IGF2R: variants seen among roughly 807,000 people sequenced by gnomAD.
IGF2R encodes insulin like growth factor 2 receptor, also known as cation-independent mannose-6-phosphate receptor.
A neutral mutation model predicts 270.6 loss-of-function variants in IGF2R; 91 were observed. The ratio of observed to expected loss-of-function variants is 0.34; its 90% confidence interval spans 0.28 to 0.40. The LOEUF (loss-of-function observed/expected upper bound fraction) is 0.40. Ranked by LOEUF, IGF2R falls within the 10% of genes least tolerant of loss-of-function variation. IGF2R has a pLI of 1.00. For missense variants in IGF2R, 2,805 were observed against 3,188.3 expected (o/e 0.88, Z 2.90); for synonymous variants, 1,316 against 1,258.9 (o/e 1.05, Z -0.96).
chr6:160,027,331 G>A lies in IGF2R; in HGVS notation c.776+17G>A, dbSNP rs774693597. 8 of 1,598,682 alleles carry A rather than the reference G, an allele frequency of 5.0e-6. No individual in the cohort carries two copies. The highest frequency in any genetic ancestry group is 4.5e-5 in the East Asian group (2 of 44,640). ...CAAGGACAGGTCAGTCAAGGCCTCCGATGCTGTTGGCGTTTTTAATCTCCA... is the reference window on the plus strand; with the variant it reads ...CAAGGACAGGTCAGTCAAGGCCTCCAATGCTGTTGGCGTTTTTAATCTCCA... On this transcript the variant is annotated intron_variant, in intron 6 of 47. Coordinates refer to ENST00000356956, the MANE Select transcript of IGF2R (RefSeq NM_000876.4).
In IGF2R at chr6:160,037,631, A is replaced by T. The variant is rs376498339; in HGVS notation, c.1316-2929A>T. ...TTTAAATCTAGTTTGTTGTAAAGCG[A>T]TGCTTTATTATTGGTGATTTTTTTA... On this transcript the variant is annotated intron_variant, in intron 10 of 47. Coordinates refer to ENST00000356956, the MANE Select transcript of IGF2R (RefSeq NM_000876.4). 3.3e-5 allele frequency among the ~76,000 whole-genome samples: 5 copies of T among 152,346 alleles called. No individual in the cohort carries two copies. The East Asian group carries it at 9.6e-4, about 29-fold the overall frequency.
chr6:159,990,652 CAG>C (rs143931284), intron 1 of IGF2R, among the ~76,000 whole-genome samples: 3,609 of 151,110 alleles, frequency 0.024, 131 homozygotes, highest in African/African-American at 0.084. Context: ...TCTTTGGAGA[CAG>C]AGTCTCGCAC....
chr6:160,068,061 GGGGGGTGTGTGTGTGT>G (rs1156969572), intron 29 of IGF2R, among the ~76,000 whole-genome samples, 172 bp from the exon 30 acceptor site: 7 of 39,074 alleles, frequency 1.8e-4, no homozygotes, highest in African/African-American at 6.0e-4. Context: ...TGATTCTGAT[GGGGGGTGTGTGTGTGT>G]GTGTGTGTGT....
At chr6:160,069,019 G>A (rs1400903713) in intron 30 of IGF2R, among the ~76,000 whole-genome samples, 2 of 152,166 alleles carry the variant, frequency 1.3e-5, no homozygotes, top group Non-Finnish European at 2.9e-5. Flanking sequence ...GCCATGGTGA[G>A]GAATCCTTCT....
intron 1 of IGF2R, among the ~76,000 whole-genome samples, chr6:159,976,713 A>C (rs916871542): frequency 3.3e-5 from 5 of 151,730 alleles, no homozygotes; most frequent in African/African-American, 1.2e-4. Flanking sequence ...TATCTGTTTC[A>C]ACTTCCTGGA....
At chr6:160,063,710 C>A in intron 27 of IGF2R, 80 bp downstream of exon 27, 1 of 1,052,664 alleles carries the variant, frequency 9.5e-7, no homozygotes, top group Non-Finnish European at 1.4e-6. Context: ...GATGAATTTT[C>A]CCTTGAGTCA....
intron 2 of IGF2R, among the ~76,000 whole-genome samples, chr6:159,994,322 A>T (rs531915459): frequency 6.6e-6 from 1 of 151,698 alleles, no homozygotes; most frequent in Non-Finnish European, 1.5e-5. Flanking sequence ...GATTGTGCTT[A>T]TTTGAATTGT....
intron 2 of IGF2R, among the ~76,000 whole-genome samples, chr6:159,994,476 C>A (rs1784022996): frequency 1.3e-5 from 2 of 151,154 alleles, no homozygotes; most frequent in South Asian, 4.2e-4. Context: ...TTTGTTATTT[C>A]TTCTGTTAGG....
chr6:160,090,148 A>G, intron 44 of IGF2R, 45 bp downstream of exon 44: 1 of 1,371,246 alleles, frequency 7.3e-7, no homozygotes, highest in Non-Finnish European at 9.7e-7. Flanking sequence ...ACTTCCTCCA[A>G]GGAAGGGGAT....
chr6:159,969,807 G>C (rs1356216428), intron 1 of IGF2R, among the ~76,000 whole-genome samples: 2 of 152,214 alleles, frequency 1.3e-5, no homozygotes, highest in Non-Finnish European at 2.9e-5. Context: ...CGCCAGCGGG[G>C]CACCGGTGAG....
At chr6:160,043,373 C>A in intron 12 of IGF2R, 85 bp downstream of exon 12, 1 of 1,392,532 alleles carries the variant, frequency 7.2e-7, no homozygotes, top group Non-Finnish European at 9.8e-7. Context: ...TTCTGTGGTT[C>A]ATCTAAGCCT....
At position 160,110,065 on chromosome 6, in the gene IGF2R, C is replaced by G. The variant is rs1379128531; in HGVS notation, c.*4981C>G. On this transcript the variant is annotated 3_prime_UTR_variant, in exon 48 of 48. Transcript: ENST00000356956. Reference sequence around the variant, plus strand: ...TGAAACAGCTTTTCTTGGTGTGAGACCTTTCAGAGTCTTTAAAGGAGAGTT... The same window carrying G: ...TGAAACAGCTTTTCTTGGTGTGAGAGCTTTCAGAGTCTTTAAAGGAGAGTT... 1 of 152,144 alleles carries G rather than the reference C, an allele frequency of 6.6e-6. No individual in the cohort carries two copies. The highest frequency in any genetic ancestry group is 1.5e-5 in the Non-Finnish European group (1 of 68,040). The allele number at this position is 152,144 out of a possible 1,614,324, so 9.4% of individuals were successfully genotyped here. A position where few individuals can be genotyped will look rare whatever the true frequency, so the allele number is the denominator to read the frequency against.
At chr6:159,977,172 T>G (rs1783707719) in intron 1 of IGF2R, among the ~76,000 whole-genome samples, 1 of 152,238 alleles carries the variant, frequency 6.6e-6, no homozygotes, top group Non-Finnish European at 1.5e-5. Context: ...CCTCTGAAGA[T>G]CTCTCTTAAA....
chr6:160,016,659 C>T (rs1347767129), intron 4 of IGF2R, among the ~76,000 whole-genome samples: 1 of 152,230 alleles, frequency 6.6e-6, no homozygotes, highest in Non-Finnish European at 1.5e-5. Context: ...ACCATCATCC[C>T]TCACCACACC....
intron 19 of IGF2R, among the ~76,000 whole-genome samples, chr6:160,052,324 C>G (rs562743044): frequency 9.9e-5 from 15 of 152,244 alleles, no homozygotes; most frequent in Admixed American, 7.8e-4. Flanking sequence ...GAGTGAACTC[C>G]CATTCACAAT....
At chr6:160,008,495 C>T (rs1362086168) in intron 2 of IGF2R, among the ~76,000 whole-genome samples, 2 of 152,136 alleles carry the variant, frequency 1.3e-5, no homozygotes, top group African/African-American at 4.8e-5. Context: ...ATGTCCTGGA[C>T]AAGCAGAGAT....
chr6:159,969,469 G>C (rs1231416598), intron 1 of IGF2R, 74 bp downstream of exon 1: 1 of 1,052,854 alleles, frequency 9.5e-7, no homozygotes, highest in African/African-American at 1.7e-5. Flanking sequence ...GGCGGGGAGC[G>C]CTCGAGGAGC....
intron 1 of IGF2R, among the ~76,000 whole-genome samples, chr6:159,988,947 TC>T (rs1196150927): frequency 6.6e-6 from 1 of 152,166 alleles, no homozygotes; most frequent in Non-Finnish European, 1.5e-5. Flanking sequence ...TGATGATTTT[TC>T]TCTGTGCCCA....
At chr6:159,972,205 T>A (rs548594322) in intron 1 of IGF2R, among the ~76,000 whole-genome samples, 2 of 152,298 alleles carry the variant, frequency 1.3e-5, no homozygotes, top group African/African-American at 4.8e-5. Flanking sequence ...GGCATCAGTT[T>A]GCTGAAATGT....
Sources: gnomAD v4.1 joint callset for allele counts (sites outside exome capture counted in the v4.1 genomes callset) on GRCh38, gnomAD v4.1.1 for gene constraint, MANE v1.5 for transcripts, NCBI Gene and HGNC (gene_info 2026-07-23, HGNC 2026-07-21) for gene names.